The following EML5 variants were observed in gnomAD, a reference collection of about 807,000 sequenced individuals.
EML5 encodes EMAP like 5.
Under a neutral mutation model 250.0 loss-of-function variants are expected in EML5, and 120 were observed. The ratio of observed to expected loss-of-function variants is 0.48; its 90% CI spans 0.41 to 0.56. The LOEUF is 0.56. Among genes scored for constraint, EML5 ranks in the 20% least tolerant of loss-of-function variants. The pLI is 0.00. For synonymous variants in EML5, 771 were observed against 806.5 expected, an observed-to-expected ratio of 0.96 and a Z score of 0.75; for missense variants, 2,006 against 2,437.6, an observed-to-expected ratio of 0.82 and a Z score of 3.73.
intron 1 of EML5, among the ~76,000 whole-genome samples, chr14:88,755,791 A>G (rs2094150736): frequency 6.6e-6 from 1 of 152,114 alleles, no homozygotes; most frequent in Admixed American, 6.5e-5. Context: ...TCAGGAGTTC[A>G]AGATCACCCT....
intron 5 of EML5, among the ~76,000 whole-genome samples, chr14:88,740,163 G>A (rs2093903753): frequency 6.6e-6 from 1 of 151,904 alleles, no homozygotes; most frequent in African/African-American, 2.4e-5. Context: ...CCATACTAAA[G>A]CAATAGCTTT....
intron 32 of EML5, among the ~76,000 whole-genome samples, chr14:88,636,292 G>A (rs2090722919): frequency 6.6e-6 from 1 of 152,182 alleles, no homozygotes; most frequent in Non-Finnish European, 1.5e-5. Context: ...CTCCCCCATG[G>A]AAAGCAATCC....
At position 88,746,182 on chromosome 14, in the gene EML5, T is replaced by G; in HGVS notation, c.456+3A>C. 1 of 1,608,538 alleles carries G rather than the reference T, an allele frequency of 6.2e-7. No individual in the cohort carries two copies. The highest frequency in any genetic ancestry group is 8.5e-7 in the Non-Finnish European group (1 of 1,175,836). ...ATTAGAAATCTCAAAAGAGAATACT[T>G]ACTCTATCTGTATGACCAGGAGCCA... On this transcript the variant is annotated splice_donor_region_variant and intron_variant, in intron 3 of 43. Transcript: ENST00000554922.
chr14:88,744,857 T>A (rs1830830605), intron 3 of EML5, among the ~76,000 whole-genome samples: 1 of 152,126 alleles, frequency 6.6e-6, no homozygotes, highest in African/African-American at 2.4e-5. Context: ...ACACTTCACA[T>A]TTTGGTATAC....
chr14:88,682,006 C>T lies in EML5; in HGVS notation c.3008G>A (p.Gly1003Asp). Residue 1003 changes from glycine to aspartate, a missense_variant, in exon 21 of 44, where the codon GGT becomes GAT. By Grantham distance (94) the Gly-to-Asp change is moderately conservative. This residue lies in a region of EML5 where 1,375 missense variants were observed against 1,590.3 expected (regional missense o/e 0.86). Coordinates refer to ENST00000554922, the MANE Select transcript of EML5 (RefSeq NM_183387.3). ...VQGHMEGEVW[G>D]LATHPYLPIC... ...GGGCAGATAAGGGTGTGTAGCTAAA[C>T]CCCACACCTCTCCTTCCATGTGTCC... is the stretch of plus-strand genomic sequence containing the variant. The T allele has an allele frequency of 6.2e-7, 1 of 1,606,600 alleles. No homozygotes were observed. The highest frequency in any genetic ancestry group is 8.5e-7 in the Non-Finnish European group (1 of 1,177,550).
chr14:88,640,567 G>A (rs2091007258), intron 31 of EML5, among the ~76,000 whole-genome samples: 4 of 152,156 alleles, frequency 2.6e-5, no homozygotes. Context: ...TAAATGTTAA[G>A]AGGAAAGCTT....
chr14:88,646,146 C>A (rs2091336663), intron 29 of EML5, among the ~76,000 whole-genome samples: 1 of 151,958 alleles, frequency 6.6e-6, no homozygotes, highest in Non-Finnish European at 1.5e-5. Context: ...TAAAAGACTC[C>A]AACATTTATG....
intron 8 of EML5, among the ~76,000 whole-genome samples, chr14:88,722,638 T>G (rs562213346): frequency 1.3e-5 from 2 of 151,848 alleles, no homozygotes; most frequent in East Asian, 3.9e-4. Context: ...AGGGGGAGCA[T>G]TAGGAAAAAT....
At chr14:88,764,279 G>C (rs1257672890) in intron 1 of EML5, among the ~76,000 whole-genome samples, 2 of 152,150 alleles carry the variant, frequency 1.3e-5, no homozygotes, top group African/African-American at 4.8e-5. Context: ...TTGAGAAGTA[G>C]TACTTCCTCT....
Position 88,618,796 on chromosome 14 carries a change from G to A in EML5, c.5392C>T (p.Arg1798Trp), listed in dbSNP as rs2088242658. 10 of 1,589,266 alleles carry A rather than the reference G, an allele frequency of 6.3e-6. No individual in the cohort carries two copies. The highest frequency in any genetic ancestry group is 2.7e-5 in the African/African-American group (2 of 74,492). The change falls in exon 40 of 44, where the codon CGG becomes TGG. Residue 1798 changes from arginine (R) to tryptophan (W), a missense_variant. Transcript: ENST00000554922. ...IHDIRFSPDSRYLAVGSSENS... is the reference protein window; with the variant it reads ...IHDIRFSPDSWYLAVGSSENS... ...TCACTAGAACCTACTGCCAGATACC[G>A]GGAATCCGGACTAAATCTGAATCAA...
chr14:88,735,187 C>A (rs1328960664), intron 7 of EML5, among the ~76,000 whole-genome samples: 1 of 152,156 alleles, frequency 6.6e-6, no homozygotes, highest in South Asian at 2.1e-4. Context: ...TCTGAAATCA[C>A]AAATCGCTCA....
intron 27 of EML5, among the ~76,000 whole-genome samples, chr14:88,656,582 G>A (rs1159492740): frequency 5.3e-5 from 8 of 152,016 alleles, no homozygotes; most frequent in Admixed American, 2.0e-4. Context: ...AAACCTGCAC[G>A]TTCTGCACAT....
intron 1 of EML5, among the ~76,000 whole-genome samples, chr14:88,757,394 C>A (rs898079066): frequency 6.6e-6 from 1 of 151,928 alleles, no homozygotes; most frequent in Non-Finnish European, 1.5e-5. Context: ...ATAAATCTTA[C>A]CAATCTTGAA....
At chr14:88,644,988 G>C (rs905935243) in intron 29 of EML5, among the ~76,000 whole-genome samples, 1 of 150,256 alleles carries the variant, frequency 6.7e-6, no homozygotes, top group South Asian at 2.1e-4. Flanking sequence ...CTGGGATTAC[G>C]GGATCAGGAG....
chr14:88,682,436 T>G (rs2092734324), intron 20 of EML5, among the ~76,000 whole-genome samples: 1 of 149,806 alleles, frequency 6.7e-6, no homozygotes, highest in South Asian at 2.1e-4. Flanking sequence ...GCATTTAAAG[T>G]CTCTGAAAAT....
At chr14:88,747,287 C>T (rs915139259) in intron 2 of EML5, among the ~76,000 whole-genome samples, 3 of 152,038 alleles carry the variant, frequency 2.0e-5, no homozygotes, top group Non-Finnish European at 2.9e-5. Flanking sequence ...TGACTCACGC[C>T]TGTAATTCCA....
Position 88,665,419 on chromosome 14 carries a change from TA to T in EML5, c.3194del (p.Leu1065Ter). The T allele has an allele frequency of 6.2e-7, 1 of 1,614,000 alleles. No homozygotes were observed. The highest frequency in any genetic ancestry group is 8.5e-7 in the Non-Finnish European group (1 of 1,179,872). On this transcript the variant is annotated frameshift_variant, in exon 22 of 44. Coordinates refer to ENST00000554922, the MANE Select transcript of EML5 (RefSeq NM_183387.3). LOFTEE classifies it high-confidence loss of function. Reference protein sequence around the residue: ...LAVGLNDGSFLMANADTLEDL... With the variant: ...LAVGLNDGSFXMANADTLEDL... ...CCTCTAGAGTATCCGCATTTGCCAT[TA>T]AGAAGCTTCCATCGTTGAGACCTAC...
At position 88,614,109 on chromosome 14, in the gene EML5, C is replaced by T. The variant is rs573424433; in HGVS notation, c.*1709G>A. 1.3e-5 allele frequency: 2 copies of T among 152,316 alleles called. No individual in the cohort carries two copies. The highest frequency in any genetic ancestry group is 3.9e-4 in the East Asian group (2 of 5,190). The allele number at this position is 152,316 out of a possible 1,614,324, so 9.4% of individuals were successfully genotyped here. On this transcript the variant is annotated 3_prime_UTR_variant, in exon 44 of 44. Transcript: ENST00000554922. The stretch of plus-strand genomic sequence containing the variant: ...AATGGAAATATAATTTCTCTGTAGC[C>T]AAAAGCTGGCAAACTTGACCCAGAG...
intron 21 of EML5, among the ~76,000 whole-genome samples, chr14:88,679,431 C>T (rs1352404987): frequency 6.6e-6 from 1 of 152,088 alleles, no homozygotes; most frequent in East Asian, 1.9e-4. Context: ...GTGGCTCATG[C>T]TTGTAATCTT....
Sources: allele counts gnomAD v4.1 joint callset (sites outside exome capture counted in the v4.1 genomes callset), GRCh38; gene constraint gnomAD v4.1.1; regional missense constraint gnomAD v4.1.1; transcripts MANE v1.5; gene names NCBI Gene and HGNC (gene_info 2026-07-23, HGNC 2026-07-21).